SPDEF: variants seen among roughly 807,000 people sequenced by gnomAD.
SPDEF encodes the protein SAM pointed domain-containing Ets transcription factor.
SPDEF carries 12 observed loss-of-function variants against 36.0 expected under a neutral mutation model. That is an observed-to-expected ratio of 0.33 (90% confidence interval 0.21 to 0.54). The LOEUF (loss-of-function observed/expected upper bound fraction) is 0.54, where lower values mean the gene tolerates loss of function less well. SPDEF is among the 20% of genes least tolerant of loss of function. The pLI, the probability that SPDEF is intolerant of heterozygous loss-of-function variation, is 0.93. For synonymous variants in SPDEF, 205 were observed against 193.0 expected (o/e 1.06, Z -0.51); for missense variants, 388 against 456.9 (o/e 0.85, Z 1.37).
intron 2 of SPDEF, among the ~76,000 whole-genome samples, chr6:34,543,763 C>T (rs374137071): frequency 4.1e-4 from 63 of 152,176 alleles, no homozygotes; most frequent in African/African-American, 1.3e-3. Context: ...GTGGGGGACA[C>T]AGAGCTTGAA....
intron 1 of SPDEF, among the ~76,000 whole-genome samples, chr6:34,546,808 C>T (rs569286632): frequency 4.2e-4 from 62 of 147,902 alleles, no homozygotes; most frequent in Admixed American, 6.7e-4. Flanking sequence ...GAGACCAAGG[C>T]GGGGCTGGGG....
intron 1 of SPDEF, among the ~76,000 whole-genome samples, chr6:34,545,575 A>T (rs774983820): frequency 6.6e-6 from 1 of 152,256 alleles, no homozygotes; most frequent in Non-Finnish European, 1.5e-5. Context: ...ACCCCAGGAC[A>T]TTCTGGGATG....
chr6:34,548,476 C>T (rs1006570288), intron 1 of SPDEF, among the ~76,000 whole-genome samples: 1 of 152,174 alleles, frequency 6.6e-6, no homozygotes, highest in Non-Finnish European at 1.5e-5. Context: ...TTGCCCCATC[C>T]CAGTGGCTGG....
At chr6:34,548,182 C>T (rs1246974568) in intron 1 of SPDEF, among the ~76,000 whole-genome samples, 1 of 152,218 alleles carries the variant, frequency 6.6e-6, no homozygotes, top group East Asian at 1.9e-4. Flanking sequence ...ACTCCAGAGC[C>T]CTGCTTTATA....
At chr6:34,554,431 A>T (rs1253762891) in intron 1 of SPDEF, among the ~76,000 whole-genome samples, 1 of 152,054 alleles carries the variant, frequency 6.6e-6, no homozygotes, top group Non-Finnish European at 1.5e-5. Context: ...GTGAAAACCA[A>T]AGTGTTTTAC....
intron 1 of SPDEF, among the ~76,000 whole-genome samples, chr6:34,554,714 C>T (rs1768129854): frequency 6.6e-6 from 1 of 152,262 alleles, no homozygotes; most frequent in Admixed American, 6.5e-5. Flanking sequence ...GAGGGAAGCT[C>T]AGCCCAACTG....
rs374178926 is a variant in SPDEF at position 34,547,000 on chromosome 6, C to A, written c.-29-2516G>T. 6.7e-5 allele frequency among the ~76,000 whole-genome samples: 10 copies of A among 148,710 alleles called. 1 individual carries two copies. In the East Asian group the frequency reaches 1.0e-3, roughly 15 times the overall value. On this transcript the variant is annotated intron_variant, in intron 1 of 5. Coordinates refer to ENST00000374037, the MANE Select transcript of SPDEF (RefSeq NM_012391.3). ...TGGCTCCACCCCTGGGGACCCCCCC[C>A]CGCAGCCCCCCACCCCTCCTTCATC...
In SPDEF at chr6:34,543,986, A is replaced by G. The variant is rs147777237; in HGVS notation, c.436+34T>C. 416 of 1,591,504 alleles carry G rather than the reference A, an allele frequency of 2.6e-4. 2 individuals are homozygous for G. In the African/African-American group the frequency reaches 4.4e-3, roughly 17 times the overall value. ...GCGACCTCAGCCTTGCCTGTGACCC[A>G]TCTTACGGAAGCAGGCACATGGAGA... On this transcript the variant is annotated intron_variant, in intron 2 of 5. Transcript: ENST00000374037.
chr6:34,542,513 T>C (rs1304751221), intron 2 of SPDEF, among the ~76,000 whole-genome samples: 1 of 152,228 alleles, frequency 6.6e-6, no homozygotes, highest in Admixed American at 6.5e-5. Flanking sequence ...TCACTCACTA[T>C]CATGTCAGCC....
rs751186442 is a variant in SPDEF at position 34,539,354 on chromosome 6, G to A, written c.725C>T (p.Ser242Leu). The A allele has an allele frequency of 9.3e-6, 15 of 1,613,794 alleles. No homozygotes were observed. Among genetic ancestry groups the A allele is most frequent in the Non-Finnish European group, 1.3e-5 (15 of 1,180,048 alleles). ...GTGGATGGGCTGCCCGGAGCATGATGAGTCCACCTCGCTGTCGGTCCAGCT... is the reference window on the plus strand; with the variant it reads ...GTGGATGGGCTGCCCGGAGCATGATAAGTCCACCTCGCTGTCGGTCCAGCT... ...EESWTDSEVD[S>L]SCSGQPIHLW... Residue 242 changes from serine to leucine, a missense_variant, in exon 5 of 6, where the codon TCA (serine) becomes TTA (leucine). Ser to Leu is a moderately radical substitution (Grantham distance 145, BLOSUM62 -2). Coordinates refer to ENST00000374037, the MANE Select transcript of SPDEF (RefSeq NM_012391.3). This position sits in a 1 kb window ranked among gnomAD's most constrained non-coding sequence, Gnocchi z 5.2.
At chr6:34,554,150 T>G (rs1409284) in intron 1 of SPDEF, among the ~76,000 whole-genome samples, 1,643 of 152,254 alleles carry the variant, frequency 0.011, 38 homozygotes, top group East Asian at 0.084. Context: ...CCCTCCACCT[T>G]GAGGGTCTGT....
intron 2 of SPDEF, among the ~76,000 whole-genome samples, chr6:34,543,498 A>T (rs1767873017): frequency 6.6e-6 from 1 of 151,954 alleles, no homozygotes; most frequent in Admixed American, 6.6e-5. Flanking sequence ...TCTTTCTTTT[A>T]TTTTTCATTT....
intron 2 of SPDEF, among the ~76,000 whole-genome samples, chr6:34,541,863 G>A (rs1484862418): frequency 2.0e-5 from 3 of 150,762 alleles, no homozygotes; most frequent in Non-Finnish European, 4.4e-5. Flanking sequence ...TCTGGGGTGA[G>A]CCTCATAGGC....
Position 34,538,094 on chromosome 6 carries a change from G to A in SPDEF, c.*180C>T, listed in dbSNP as rs571935662. On this transcript the variant is annotated 3_prime_UTR_variant, in exon 6 of 6. Coordinates refer to ENST00000374037, the MANE Select transcript of SPDEF (RefSeq NM_012391.3). The surrounding 1 kb of genome is among the most constrained non-coding windows in gnomAD (Gnocchi z 5.9). The stretch of plus-strand genomic sequence containing the variant: ...GGAAGCACCCCTGCCCCAGGGTCCC[G>A]AAGGCCCCAGAGGACCCATATCCCC... 131 of 602,786 alleles carry A rather than the reference G, an allele frequency of 2.2e-4. 1 individual carries two copies. The highest frequency in any genetic ancestry group is 6.5e-5 in the Non-Finnish European group (23 of 354,274). The allele number at this position is 602,786 out of a possible 1,614,324, so 37.3% of individuals were successfully genotyped here. A position where few individuals can be genotyped will look rare whatever the true frequency, so the allele number is the denominator to read the frequency against.
At chr6:34,543,862 C>A (rs1003415081) in intron 2 of SPDEF, among the ~76,000 whole-genome samples, 158 bp downstream of exon 2, 1 of 152,192 alleles carries the variant, frequency 6.6e-6, no homozygotes, top group Non-Finnish European at 1.5e-5. Flanking sequence ...GGCCCAGGCT[C>A]ACAGCTGACT....
At chr6:34,548,336 C>T (rs976166831) in intron 1 of SPDEF, among the ~76,000 whole-genome samples, 22 of 152,164 alleles carry the variant, frequency 1.4e-4, no homozygotes, top group East Asian at 1.9e-4. Context: ...TGCCCACCTC[C>T]TGACTGGGCT....
At chr6:34,554,964 G>A (rs374520501) in intron 1 of SPDEF, among the ~76,000 whole-genome samples, 15 of 152,254 alleles carry the variant, frequency 9.9e-5, no homozygotes, top group Admixed American at 7.2e-4. Flanking sequence ...CAGGCTACGC[G>A]GGGCTCATGG....
At chr6:34,546,378 G>C (rs1333418215) in intron 1 of SPDEF, among the ~76,000 whole-genome samples, 1 of 152,170 alleles carries the variant, frequency 6.6e-6, no homozygotes, top group African/African-American at 2.4e-5. Flanking sequence ...ACAGCAGGAG[G>C]GGAAGGGGGC....
chr6:34,542,215 A>G (rs1215682492), intron 2 of SPDEF, among the ~76,000 whole-genome samples: 2 of 152,208 alleles, frequency 1.3e-5, no homozygotes, highest in Admixed American at 6.5e-5. Context: ...TGAGGGATGC[A>G]TGAAGACCCC....
Sources: gnomAD v4.1 joint callset for allele counts (sites outside exome capture counted in the v4.1 genomes callset) on GRCh38, gnomAD v4.1.1 for gene constraint, Gnocchi (gnomAD v3.1) non-coding constraint, MANE v1.5 for transcripts, NCBI Gene and HGNC (gene_info 2026-07-23, HGNC 2026-07-21) for gene names.